DTX4: variants seen among roughly 807,000 people sequenced by gnomAD.
DTX4 encodes deltex E3 ubiquitin ligase 4.
DTX4 carries 28 observed loss-of-function variants against 57.6 expected under a neutral mutation model. That is an observed-to-expected ratio of 0.49 (90% confidence interval 0.36 to 0.67). The LOEUF (loss-of-function observed/expected upper bound fraction) is 0.67, where lower values mean the gene tolerates loss of function less well. DTX4 is among the 30% of genes least tolerant of loss of function. The pLI is 0.00. For missense variants in DTX4, 715 were observed against 836.8 expected, an observed-to-expected ratio of 0.85 and a Z score of 1.80; for synonymous variants, 316 against 331.0, an observed-to-expected ratio of 0.95 and a Z score of 0.49.
At chr11:59,198,355 A>T (rs1862700073) in intron 7 of DTX4, among the ~76,000 whole-genome samples, 1 of 152,234 alleles carries the variant, frequency 6.6e-6, no homozygotes, top group Admixed American at 6.5e-5. Flanking sequence ...ATTTAGAAAC[A>T]GCTGGGGCCA....
chr11:59,173,209 C>T (rs1862350804), intron 1 of DTX4, among the ~76,000 whole-genome samples: 2 of 152,212 alleles, frequency 1.3e-5, no homozygotes, highest in Admixed American at 6.5e-5. Context: ...GGCACCTTGG[C>T]TGACCTGACC....
Position 59,205,061 on chromosome 11 carries a change from C to T in DTX4, c.*152C>T, listed in dbSNP as rs1403271782. ...GTCCATCCCTCATCCCTCCCAACCA[C>T]AGTGGGAGCCAGACTGAATATAGCG... On this transcript the variant is annotated 3_prime_UTR_variant, in exon 9 of 9. Coordinates refer to ENST00000227451, the MANE Select transcript of DTX4 (RefSeq NM_015177.2). 3.1e-6 allele frequency: 2 copies of T among 645,096 alleles called. No homozygotes were observed. Among genetic ancestry groups the T allele is most frequent in the East Asian group, 2.7e-5 (1 of 36,398 alleles). The allele number at this position is 645,096 out of a possible 1,614,324, so 40.0% of individuals were successfully genotyped here.
intron 1 of DTX4, among the ~76,000 whole-genome samples, chr11:59,181,230 T>C (rs562384335): frequency 6.6e-6 from 1 of 152,332 alleles, no homozygotes; most frequent in South Asian, 2.1e-4. Flanking sequence ...TATGAGCACC[T>C]ACTGTGTGTC....
In DTX4 at chr11:59,182,207, T is replaced by C. The variant is rs1264061150; in HGVS notation, c.680T>C (p.Val227Ala). The C allele has an allele frequency of 4.3e-6, 7 of 1,610,178 alleles. No homozygotes were observed. Among genetic ancestry groups the C allele is most frequent in the Non-Finnish European group, 5.9e-6 (7 of 1,178,072 alleles). ...TRKNMPPPGV[V>A]KLPPLPGSGA... ...AAGAACATGCCGCCTCCTGGAGTGGTCAAGCTACCCCCACTGCCAGGCTCT... is the reference window on the plus strand; with the variant it reads ...AAGAACATGCCGCCTCCTGGAGTGGCCAAGCTACCCCCACTGCCAGGCTCT... Residue 227 changes from valine to alanine, a missense_variant, in exon 2 of 9, where the codon GTC becomes GCC. By Grantham distance (64) the Val-to-Ala change is moderately conservative. Coordinates refer to ENST00000227451, the MANE Select transcript of DTX4 (RefSeq NM_015177.2).
intron 8 of DTX4, among the ~76,000 whole-genome samples, chr11:59,202,760 A>C (rs1367508970): frequency 1.3e-5 from 2 of 152,200 alleles, no homozygotes; most frequent in Admixed American, 6.5e-5. Context: ...TTTCCTTGAG[A>C]GGGATGATGA....
intron 2 of DTX4, 104 bp downstream of exon 2, chr11:59,182,566 A>G: frequency 1.4e-6 from 2 of 1,405,936 alleles, no homozygotes; most frequent in Non-Finnish European, 1.9e-6. Context: ...TAAGCTTCTC[A>G]TCTTGTGCTG....
intron 7 of DTX4, among the ~76,000 whole-genome samples, chr11:59,196,274 T>C (rs1304881837): frequency 6.6e-6 from 1 of 152,124 alleles, no homozygotes; most frequent in Non-Finnish European, 1.5e-5. Flanking sequence ...CCTATTCTAG[T>C]GGGGCCAGGA....
At chr11:59,174,385 A>ATCAGGAGGTGAGGGTGGAGGCC (rs1186325217) in intron 1 of DTX4, among the ~76,000 whole-genome samples, 1 of 150,484 alleles carries the variant, frequency 6.6e-6, no homozygotes, top group Non-Finnish European at 1.5e-5. Flanking sequence ...GGGTGGAGGC[A>ATCAGGAGGTGAGGGTGGAGGCC]TCAGAAGGTG....
At chr11:59,185,437 G>A (rs1237670323) in intron 2 of DTX4, 2 of 152,254 alleles carry the variant, frequency 1.3e-5, no homozygotes, top group Middle Eastern at 3.2e-3. Context: ...TCAGGGAACA[G>A]GCCAACTGAA....
chr11:59,195,128 C>A, intron 6 of DTX4, 80 bp from the exon 7 acceptor site: 1 of 1,496,490 alleles, frequency 6.7e-7, no homozygotes, highest in South Asian at 1.1e-5. Context: ...CCCTTCATCT[C>A]TGGTACCTTT....
Position 59,208,556 on chromosome 11 carries a change from A to G in DTX4, c.*3647A>G, listed in dbSNP as rs929535376. ...AATATTAATCATTCCCAAACTGACA[A>G]GAACACAAAAATAAAATGCAAATAC... On this transcript the variant is annotated 3_prime_UTR_variant, in exon 9 of 9. Transcript: ENST00000227451. 1.3e-5 allele frequency: 2 copies of G among 152,254 alleles called. No homozygotes were observed. The highest frequency in any genetic ancestry group is 4.8e-5 in the African/African-American group (2 of 41,464). 9.4% of individuals were successfully genotyped at this position (152,254 alleles called of 1,614,324 possible).
At chr11:59,190,362 A>C (rs1320442594) in intron 4 of DTX4, among the ~76,000 whole-genome samples, 1 of 152,240 alleles carries the variant, frequency 6.6e-6, no homozygotes, top group African/African-American at 2.4e-5. Flanking sequence ...TTGTCAAAGC[A>C]ACCCTTTGAG....
intron 1 of DTX4, among the ~76,000 whole-genome samples, chr11:59,173,189 C>G (rs113002085): frequency 0.014 from 2,057 of 152,300 alleles, 40 homozygotes; most frequent in African/African-American, 0.047. Context: ...GCCCTCATCC[C>G]GTGGCGGCCG....
intron 1 of DTX4, among the ~76,000 whole-genome samples, chr11:59,176,205 TGGA>T (rs1315808483): frequency 6.6e-6 from 1 of 152,194 alleles, no homozygotes; most frequent in Non-Finnish European, 1.5e-5. Flanking sequence ...AGCATAGAAG[TGGA>T]GGAGGCAGGC....
chr11:59,172,344 G>A lies in DTX4; in HGVS notation c.-252G>A, dbSNP rs900232398. The A allele has an allele frequency of 6.2e-6, 1 of 160,756 alleles. No homozygotes were observed. The highest frequency in any genetic ancestry group is 2.4e-5 in the African/African-American group (1 of 41,534). 10.0% of individuals were successfully genotyped at this position (160,756 alleles called of 1,614,324 possible). On this transcript the variant is annotated 5_prime_UTR_variant, in exon 1 of 9. Coordinates refer to ENST00000227451, the MANE Select transcript of DTX4 (RefSeq NM_015177.2). Reference sequence around the variant, plus strand: ...TGAAGCGACTCGACCCCACAGAGCAGCGGCAGCAGCAGCGGACCCCGGCGG... The same window carrying A: ...TGAAGCGACTCGACCCCACAGAGCAACGGCAGCAGCAGCGGACCCCGGCGG...
At position 59,208,503 on chromosome 11, in the gene DTX4, C is replaced by T. The variant is rs910595474; in HGVS notation, c.*3594C>T. 3 of 152,226 alleles carry T rather than the reference C, an allele frequency of 2.0e-5. No homozygotes were observed. The highest frequency in any genetic ancestry group is 2.0e-4 in the Admixed American group (3 of 15,290). The allele number at this position is 152,226 out of a possible 1,614,324, so 9.4% of individuals were successfully genotyped here. On this transcript the variant is annotated 3_prime_UTR_variant, in exon 9 of 9. Transcript: ENST00000227451. ...ATATAGTGTGTGTTTAAATTATTTA[C>T]AGGCTGTTGTTTCTCAAATAAATGT...
In DTX4 at chr11:59,204,951, A is replaced by G. The variant is rs368091793; in HGVS notation, c.*42A>G. On this transcript the variant is annotated 3_prime_UTR_variant, in exon 9 of 9. Coordinates refer to ENST00000227451, the MANE Select transcript of DTX4 (RefSeq NM_015177.2). ...AGGTGGGAGGGGCCATGGAGACTGC[A>G]GGACAGGAAGTGAGGAGAGTGAGTC... 1.2e-5 allele frequency: 18 copies of G among 1,511,822 alleles called. No homozygotes were observed. The African/African-American group carries it at 2.4e-4, about 20-fold the overall frequency. 93.7% of individuals were successfully genotyped at this position (1,511,822 alleles called of 1,614,324 possible).
chr11:59,188,784 C>T lies in DTX4; in HGVS notation c.985C>T (p.Pro329Ser). The T allele has an allele frequency of 1.2e-6, 2 of 1,613,852 alleles. No individual in the cohort carries two copies. The highest frequency in any genetic ancestry group is 1.7e-6 in the Non-Finnish European group (2 of 1,179,800). Residue 329 changes from proline (P) to serine (S), a missense_variant, in exon 3 of 9, where the codon CCT becomes TCT. By Grantham distance (74) the Pro-to-Ser change is moderately conservative. Transcript: ENST00000227451. ...CCTAAATGGGTCCAGTCCTGTCAACCCTGCCTTGGCAGGTAAGAGAAACCC... is the reference window on the plus strand; with the variant it reads ...CCTAAATGGGTCCAGTCCTGTCAACTCTGCCTTGGCAGGTAAGAGAAACCC... ...KNLNGSSPVN[P>S]ALAGITGILM...
intron 6 of DTX4, 21 bp from the exon 7 acceptor site, chr11:59,195,187 C>G (rs367757704): frequency 1.2e-6 from 2 of 1,613,918 alleles, no homozygotes; most frequent in Non-Finnish European, 1.7e-6. Context: ...CAATCTGGCT[C>G]TTCTGGCCTT....
Sources: allele counts gnomAD v4.1 joint callset (sites outside exome capture counted in the v4.1 genomes callset), GRCh38; gene constraint gnomAD v4.1.1; transcripts MANE v1.5; gene names NCBI Gene and HGNC (gene_info 2026-07-23, HGNC 2026-07-21).